FNDC4: variants seen among roughly 807,000 people sequenced by gnomAD.
FNDC4 encodes fibronectin type III domain containing 4.
In FNDC4, 11 loss-of-function variants were observed where a neutral mutation model predicts 25.1. The ratio of observed to expected loss-of-function variants is 0.44; its 90% CI spans 0.28 to 0.73. FNDC4 has a LOEUF of 0.73. Among genes scored for constraint, FNDC4 ranks in the 30% least tolerant of loss-of-function variants. FNDC4 has a pLI of 0.16. For synonymous variants in FNDC4, 136 were observed against 118.8 expected (o/e 1.14, Z -0.94); for missense variants, 250 against 304.3 (o/e 0.82, Z 1.33).
rs757874081 is a variant in FNDC4, at chr2:27,494,338, G to T, written c.249+13C>A. ...AAGGACACAGGTTGGGGGAGCAGAAGGGTGATTCATACTTGCTGGGAAATG... is the reference window on the plus strand; with the variant it reads ...AAGGACACAGGTTGGGGGAGCAGAATGGTGATTCATACTTGCTGGGAAATG... On this transcript the variant is annotated intron_variant, in intron 3 of 6. Transcript: ENST00000264703. This position sits in a 1 kb window ranked among gnomAD's most constrained non-coding sequence, Gnocchi z 4.6. The T allele has an allele frequency of 1.9e-6, 3 of 1,597,976 alleles. No individual in the cohort carries two copies. The highest frequency in any genetic ancestry group is 8.6e-7 in the Non-Finnish European group (1 of 1,165,386).
At chr2:27,493,587 G>A in intron 4 of FNDC4, 109 bp from the exon 5 acceptor site, 1 of 959,752 alleles carries the variant, frequency 1.0e-6, no homozygotes, top group Non-Finnish European at 1.7e-6. Flanking sequence ...TCATAATGTT[G>A]CCCTTGGAGT....
intron 4 of FNDC4, 152 bp downstream of exon 4, chr2:27,493,778 C>A (rs766559133): frequency 2.9e-5 from 23 of 787,268 alleles, no homozygotes; most frequent in Non-Finnish European, 4.4e-5. Context: ...ATACCCAATC[C>A]CCTTCCCACC....
rs1270530362 is a variant in FNDC4, at chr2:27,495,063, G to C, written c.-210C>G. The C allele has an allele frequency of 1.3e-5, 2 of 155,428 alleles. No homozygotes were observed. The highest frequency in any genetic ancestry group is 4.8e-5 in the African/African-American group (2 of 41,496). 9.6% of individuals were successfully genotyped at this position (155,428 alleles called of 1,614,324 possible). On this transcript the variant is annotated 5_prime_UTR_variant, in exon 1 of 7. Transcript: ENST00000264703. The stretch of plus-strand genomic sequence containing the variant: ...TGCGGAGCCCCCAGGGCTCGAGCGG[G>C]CCACGGAGTCTGTCCGGGAGCAGGG...
rs114950090 is a variant in FNDC4, at chr2:27,492,427, G to C, written c.*16C>G. 2.0e-3 allele frequency: 3,300 copies of C among 1,614,040 alleles called. 55 individuals are homozygous for C. In the African/African-American group the frequency reaches 0.04, roughly 20 times the overall value. On this transcript the variant is annotated 3_prime_UTR_variant, in exon 7 of 7. Transcript: ENST00000264703. This position sits in a 1 kb window ranked among gnomAD's most constrained non-coding sequence, Gnocchi z 4.1. ...CCAGTTGTTAGTGCATCTCTCTTCT[G>C]GGTGTGTTTCTTCACTCAAACGTCG...
Position 27,494,488 on chromosome 2 carries a change from A to G in FNDC4, c.134-22T>C. 1 of 1,613,628 alleles carries G rather than the reference A, an allele frequency of 6.2e-7. No individual in the cohort carries two copies. Among genetic ancestry groups the G allele is most frequent in the South Asian group, 1.1e-5 (1 of 90,974 alleles). ...CGGTCTGCGGGAGCCAGGGTGTTTA[A>G]CAGGTTTCACCCATTGACTAGCTGT... On this transcript the variant is annotated intron_variant, in intron 2 of 6. Coordinates refer to ENST00000264703, the MANE Select transcript of FNDC4 (RefSeq NM_022823.3). The surrounding 1 kb of genome is among the most constrained non-coding windows in gnomAD (Gnocchi z 4.6).
Position 27,494,822 on chromosome 2 carries a change from C to T in FNDC4, c.-25+56G>A, listed in dbSNP as rs1441791318. Reference sequence around the variant, plus strand: ...ACAGCCCTATTTTCTCTACGCCCTCCCGCCCCCGCATTGCCCGGGCGGCCC... The same window carrying T: ...ACAGCCCTATTTTCTCTACGCCCTCTCGCCCCCGCATTGCCCGGGCGGCCC... On this transcript the variant is annotated intron_variant, in intron 1 of 6. Transcript: ENST00000264703. The surrounding 1 kb of genome is among the most constrained non-coding windows in gnomAD (Gnocchi z 4.6). The T allele has an allele frequency of 1.7e-6, 1 of 576,914 alleles. No individual in the cohort carries two copies. 35.7% of individuals were successfully genotyped at this position (576,914 alleles called of 1,614,324 possible). A position where few individuals can be genotyped will look rare whatever the true frequency, so the allele number is the denominator to read the frequency against.
rs1669347301 is a variant in FNDC4 at position 27,494,894 on chromosome 2, G to T, written c.-41C>A. 1 of 492,916 alleles carries T rather than the reference G, an allele frequency of 2.0e-6. No homozygotes were observed. The highest frequency in any genetic ancestry group is 3.4e-5 in the East Asian group (1 of 29,596). 30.5% of individuals were successfully genotyped at this position (492,916 alleles called of 1,614,324 possible). On this transcript the variant is annotated 5_prime_UTR_variant, in exon 1 of 7. Transcript: ENST00000264703. This position sits in a 1 kb window ranked among gnomAD's most constrained non-coding sequence, Gnocchi z 4.6. The stretch of plus-strand genomic sequence containing the variant: ...CACACCCACCTCCGCCGGTCCTCGC[G>T]GTTGGTCAGGCCTCGGGGGGCTGCT...
Position 27,494,463 on chromosome 2 carries a change from C to A in FNDC4, c.137G>T (p.Arg46Leu). 1 of 1,614,024 alleles carries A rather than the reference C, an allele frequency of 6.2e-7. No homozygotes were observed. Among genetic ancestry groups the A allele is most frequent in the Non-Finnish European group, 8.5e-7 (1 of 1,179,952 alleles). Residue 46 changes from arginine (R) to leucine (L), a missense_variant, in exon 3 of 7, where the codon CGG (arginine) becomes CTG (leucine). Coordinates refer to ENST00000264703, the MANE Select transcript of FNDC4 (RefSeq NM_022823.3). This position sits in a 1 kb window ranked among gnomAD's most constrained non-coding sequence, Gnocchi z 4.6. ...CGTCACATTCACAGGAGAGGGAGGC[C>A]GGTCTGCGGGAGCCAGGGTGTTTAA... ...SCDLGFVRAD[R>L]PPSPVNVTVT...
rs1407545679 is a variant in FNDC4 at position 27,494,620 on chromosome 2, C to G, written c.60G>C (p.Leu20=). 1 of 1,607,332 alleles carries G rather than the reference C, an allele frequency of 6.2e-7. No homozygotes were observed. Among genetic ancestry groups the G allele is most frequent in the African/African-American group, 1.3e-5 (1 of 74,696 alleles). Residue 20 remains leucine, a synonymous_variant, in exon 2 of 7, where the codon CTG becomes CTC. Coordinates refer to ENST00000264703, the MANE Select transcript of FNDC4 (RefSeq NM_022823.3). The surrounding 1 kb of genome is among the most constrained non-coding windows in gnomAD (Gnocchi z 4.6). ...PSGLRGDMAS[L]VPLSPYLSPT... is the part of the protein sequence containing the mutation. Reference sequence around the variant, plus strand: ...GGCTTAGATATGGGGAAAGGGGCACCAGCGAAGCCATGTCCCCACGGAGTC... The same window carrying G: ...GGCTTAGATATGGGGAAAGGGGCACGAGCGAAGCCATGTCCCCACGGAGTC...
chr2:27,494,045 G>A lies in FNDC4; in HGVS notation c.339C>T (p.Asp113=), dbSNP rs762170194. ...CALWGLAEDS[D]YTVQVRSIGL... ...CGATGCTCCTGACCTGCACTGTGTA[G>A]TCACTGTCTTCAGCCAGGCCCCAGA... Residue 113 remains aspartate, a synonymous_variant, in exon 4 of 7, where the codon GAC becomes GAT. Transcript: ENST00000264703. This position sits in a 1 kb window ranked among gnomAD's most constrained non-coding sequence, Gnocchi z 4.6. The A allele has an allele frequency of 1.2e-6, 2 of 1,614,192 alleles. No homozygotes were observed. The highest frequency in any genetic ancestry group is 2.2e-5 in the South Asian group (2 of 91,090).
At position 27,494,963 on chromosome 2, in the gene FNDC4, C is replaced by T; in HGVS notation, c.-110G>A. ...CCATCGCCCGACTCGGTGGCGCTGC[C>T]CCTACCCCATCCCGGCGCGGGCCCG... is the stretch of plus-strand genomic sequence containing the variant. On this transcript the variant is annotated 5_prime_UTR_variant, in exon 1 of 7. Coordinates refer to ENST00000264703, the MANE Select transcript of FNDC4 (RefSeq NM_022823.3). The surrounding 1 kb of genome is among the most constrained non-coding windows in gnomAD (Gnocchi z 4.6). The T allele has an allele frequency of 3.6e-6, 1 of 275,384 alleles. No homozygotes were observed. The highest frequency in any genetic ancestry group is 6.7e-6 in the Non-Finnish European group (1 of 148,718). The allele number at this position is 275,384 out of a possible 1,614,324, so 17.1% of individuals were successfully genotyped here. A position where few individuals can be genotyped will look rare whatever the true frequency, so the allele number is the denominator to read the frequency against.
chr2:27,492,287 C>T lies in FNDC4; in HGVS notation c.*156G>A. The T allele has an allele frequency of 2.2e-6, 2 of 892,978 alleles. No individual in the cohort carries two copies. Among genetic ancestry groups the T allele is most frequent in the Non-Finnish European group, 3.7e-6 (2 of 544,712 alleles). The allele number at this position is 892,978 out of a possible 1,614,324, so 55.3% of individuals were successfully genotyped here. A position where few individuals can be genotyped will look rare whatever the true frequency, so the allele number is the denominator to read the frequency against. On this transcript the variant is annotated 3_prime_UTR_variant, in exon 7 of 7. Transcript: ENST00000264703. This position sits in a 1 kb window ranked among gnomAD's most constrained non-coding sequence, Gnocchi z 4.1. ...CTCTGAACAGACCTACCTTCTGGCT[C>T]TGCTCACAGTGGAAAGAGGATGGGT...
Position 27,494,459 on chromosome 2 carries a change from A to C in FNDC4, c.141T>G (p.Pro47=). The C allele has an allele frequency of 6.2e-7, 1 of 1,614,056 alleles. No individual in the cohort carries two copies. Among genetic ancestry groups the C allele is most frequent in the South Asian group, 1.1e-5 (1 of 91,080 alleles). ...TGACCGTCACATTCACAGGAGAGGG[A>C]GGCCGGTCTGCGGGAGCCAGGGTGT... ...CDLGFVRADR[P]PSPVNVTVTH... is the part of the protein sequence containing the mutation. The change falls in exon 3 of 7, where the codon CCT becomes CCG. Residue 47 remains proline, a synonymous_variant. Transcript: ENST00000264703. This position sits in a 1 kb window ranked among gnomAD's most constrained non-coding sequence, Gnocchi z 4.6.
In FNDC4 at chr2:27,494,815, C is replaced by T. The variant is rs1572855120; in HGVS notation, c.-25+63G>A. ...GCTCACAACAGCCCTATTTTCTCTA[C>T]GCCCTCCCGCCCCCGCATTGCCCGG... On this transcript the variant is annotated intron_variant, in intron 1 of 6. Transcript: ENST00000264703. The surrounding 1 kb of genome is among the most constrained non-coding windows in gnomAD (Gnocchi z 4.6). 3.4e-6 allele frequency: 2 copies of T among 580,772 alleles called. No homozygotes were observed. The highest frequency in any genetic ancestry group is 3.0e-6 in the Non-Finnish European group (1 of 332,722). 36.0% of individuals were successfully genotyped at this position (580,772 alleles called of 1,614,324 possible). A position where few individuals can be genotyped will look rare whatever the true frequency, so the allele number is the denominator to read the frequency against.
At position 27,492,872 on chromosome 2, in the gene FNDC4, G is replaced by A; in HGVS notation, c.545-82C>T. ...CCTACGTAGCTTCTAGAAAATCCAT[G>A]AAGAACATCCTGAATTCCTGGTGCC... On this transcript the variant is annotated intron_variant, in intron 5 of 6. Coordinates refer to ENST00000264703, the MANE Select transcript of FNDC4 (RefSeq NM_022823.3). This position sits in a 1 kb window ranked among gnomAD's most constrained non-coding sequence, Gnocchi z 4.1. 1.3e-6 allele frequency: 2 copies of A among 1,546,860 alleles called. No individual in the cohort carries two copies. The highest frequency in any genetic ancestry group is 2.3e-5 in the South Asian group (2 of 88,888).
intron 4 of FNDC4, among the ~76,000 whole-genome samples, 194 bp from the exon 5 acceptor site, chr2:27,493,672 G>A (rs1259382335): frequency 1.3e-5 from 2 of 152,218 alleles, no homozygotes; most frequent in African/African-American, 2.4e-5. Context: ...ATGGCTGCAG[G>A]TTAATTACTC....
In FNDC4 at chr2:27,493,424, A is replaced by G. The variant is rs1669305985; in HGVS notation, c.509T>C (p.Val170Ala). The G allele has an allele frequency of 6.2e-7, 1 of 1,613,762 alleles. No homozygotes were observed. Among genetic ancestry groups the G allele is most frequent in the Non-Finnish European group, 8.5e-7 (1 of 1,179,874 alleles). Residue 170 changes from valine to alanine, a missense_variant, in exon 5 of 7, where the codon GTG (valine) becomes GCG (alanine). By Grantham distance (64) the Val-to-Ala change is moderately conservative. Coordinates refer to ENST00000264703, the MANE Select transcript of FNDC4 (RefSeq NM_022823.3). ...GAGCAACACCACCACAATGATGACC[A>G]CTTCCCCAGTCTGCAGTGGCCGCTC... ...DGERPLQTGE[V>A]VIIVVVLLMW...
At chr2:27,493,523 C>T in intron 4 of FNDC4, 45 bp from the exon 5 acceptor site, 1 of 1,412,390 alleles carries the variant, frequency 7.1e-7, no homozygotes. Flanking sequence ...TTACTGGGGT[C>T]CATACTGCAG....
At chr2:27,493,900 G>A in intron 4 of FNDC4, 30 bp downstream of exon 4, 1 of 1,603,190 alleles carries the variant, frequency 6.2e-7, no homozygotes, top group Non-Finnish European at 8.5e-7. Flanking sequence ...CAGGTAAGCA[G>A]CCAGAGAATC....
Sources: gnomAD v4.1 joint callset for allele counts (sites outside exome capture counted in the v4.1 genomes callset) on GRCh38, gnomAD v4.1.1 for gene constraint, Gnocchi (gnomAD v3.1) non-coding constraint, MANE v1.5 for transcripts, NCBI Gene and HGNC (gene_info 2026-07-23, HGNC 2026-07-21) for gene names.